The following PLXNA4 variants were observed in gnomAD, a reference collection of about 807,000 sequenced individuals.
PLXNA4 encodes the protein plexin A4.
A neutral mutation model predicts 191.8 loss-of-function variants in PLXNA4; 44 were observed. That is an observed-to-expected ratio of 0.23 (90% CI 0.18 to 0.29). The LOEUF (loss-of-function observed/expected upper bound fraction) is 0.29. Ranked by LOEUF, PLXNA4 falls within the 10% of genes least tolerant of loss-of-function variation. The probability of loss-of-function intolerance (pLI) is 1.00; values close to 1 mark genes in which losing one functional copy is unlikely to be tolerated. For missense variants in PLXNA4, 1,800 were observed against 2,488.8 expected (o/e 0.72, Z 5.89); for synonymous variants, 1,082 against 1,009.5 (o/e 1.07, Z -1.36).
At chr7:132,235,871 C>T (rs1401603077) in intron 5 of PLXNA4, among the ~76,000 whole-genome samples, 1 of 152,168 alleles carries the variant, frequency 6.6e-6, no homozygotes. Context: ...GCAGGGTGGG[C>T]TTGTACGCTT....
At chr7:132,271,594 T>A (rs956291857) in intron 4 of PLXNA4, among the ~76,000 whole-genome samples, 8 of 152,108 alleles carry the variant, frequency 5.3e-5, no homozygotes, top group African/African-American at 1.9e-4. Flanking sequence ...TTTAAAATGG[T>A]CAAATAATCC....
intron 3 of PLXNA4, among the ~76,000 whole-genome samples, chr7:132,448,538 G>A (rs73440707): frequency 0.031 from 4,784 of 152,280 alleles, 236 homozygotes; most frequent in African/African-American, 0.11. Flanking sequence ...TGAGGAGGAC[G>A]AGGTGGAGGC....
chr7:132,420,940 G>T (rs991093405), intron 3 of PLXNA4, among the ~76,000 whole-genome samples: 1 of 152,186 alleles, frequency 6.6e-6, no homozygotes, highest in African/African-American at 2.4e-5. Context: ...ATGTGGAACT[G>T]TAAGTCCAAT....
At chr7:132,378,062 A>C (rs1167863975) in intron 3 of PLXNA4, among the ~76,000 whole-genome samples, 1 of 151,766 alleles carries the variant, frequency 6.6e-6, no homozygotes, top group African/African-American at 2.4e-5. Context: ...TCCATCACCC[A>C]CCCCACCCAA....
Position 132,127,447 on chromosome 7 carries a change from G to C in PLXNA4, c.*3032C>G, listed in dbSNP as rs1794800610. 6.6e-6 allele frequency: 1 copy of C among 152,146 alleles called. No homozygotes were observed. The allele number at this position is 152,146 out of a possible 1,614,324, so 9.4% of individuals were successfully genotyped here. A position where few individuals can be genotyped will look rare whatever the true frequency, so the allele number is the denominator to read the frequency against. Reference sequence around the variant, plus strand: ...TTTGCTCTGCCAGTGGGGTAAGGAAGATCCCTGGGGGAGTTTGGAAAAAAG... The same window carrying C: ...TTTGCTCTGCCAGTGGGGTAAGGAACATCCCTGGGGGAGTTTGGAAAAAAG... On this transcript the variant is annotated 3_prime_UTR_variant, in exon 32 of 32. Coordinates refer to ENST00000321063, the MANE Select transcript of PLXNA4 (RefSeq NM_020911.2).
chr7:132,316,443 G>C (rs1214910434), intron 3 of PLXNA4, among the ~76,000 whole-genome samples: 1 of 152,222 alleles, frequency 6.6e-6, no homozygotes, highest in African/African-American at 2.4e-5. Context: ...TACGGATCAA[G>C]TCACTATGGG....
chr7:132,607,649 T>C lies in PLXNA4; in HGVS notation c.-87+38279A>G, dbSNP rs568659553. Among the ~76,000 whole-genome samples the C allele has an allele frequency of 2.6e-5, 4 of 152,364 alleles. No homozygotes were observed. The South Asian group carries it at 8.3e-4, about 32-fold the overall frequency. On this transcript the variant is annotated intron_variant, in intron 2 of 4. Transcript: ENST00000378539. ...TCTGAGCCTGTGCCTTTTTGCAGCCTAGAAGTGCCAATCAAATCACTTTCC... is the reference window on the plus strand; with the variant it reads ...TCTGAGCCTGTGCCTTTTTGCAGCCCAGAAGTGCCAATCAAATCACTTTCC...
intron 3 of PLXNA4, among the ~76,000 whole-genome samples, chr7:132,339,110 C>A (rs757964161): frequency 6.6e-5 from 10 of 152,200 alleles, no homozygotes; most frequent in Non-Finnish European, 1.3e-4. Context: ...TCTTCTGGCT[C>A]AAGTGATTAT....
At chr7:132,316,182 A>C (rs1801936800) in intron 3 of PLXNA4, among the ~76,000 whole-genome samples, 1 of 152,196 alleles carries the variant, frequency 6.6e-6, no homozygotes, top group Non-Finnish European at 1.5e-5. Flanking sequence ...ACTAAACTAA[A>C]AAATGCGACT....
chr7:132,484,770 G>A, intron 3 of PLXNA4: 1 of 1,610,550 alleles, frequency 6.2e-7, no homozygotes, highest in Non-Finnish European at 8.5e-7. Context: ...TCTGTGCTAT[G>A]AATATTTATT....
chr7:132,222,594 A>C (rs1320652923), intron 9 of PLXNA4, among the ~76,000 whole-genome samples: 1 of 152,108 alleles, frequency 6.6e-6, no homozygotes, highest in African/African-American at 2.4e-5. Context: ...TGAAAGATAC[A>C]CGCAAGACTA....
intron 28 of PLXNA4, among the ~76,000 whole-genome samples, chr7:132,145,896 C>T (rs1235682561): frequency 3.4e-5 from 5 of 146,182 alleles, no homozygotes; most frequent in Admixed American, 6.8e-5. Context: ...ATGGTGAAAC[C>T]CCACCTCTAC....
intron 3 of PLXNA4, among the ~76,000 whole-genome samples, chr7:132,405,583 G>C (rs1174684259): frequency 6.6e-6 from 1 of 152,150 alleles, no homozygotes; most frequent in Non-Finnish European, 1.5e-5. Context: ...CGGCTTAGCA[G>C]GCCTCCTCAA....
chr7:132,637,896 T>C (rs190983200), intron 2 of PLXNA4, among the ~76,000 whole-genome samples: 1 of 152,290 alleles, frequency 6.6e-6, no homozygotes, highest in African/African-American at 2.4e-5. Context: ...CTCAGTTTCT[T>C]TCTCCCCACT....
intron 1 of PLXNA4, among the ~76,000 whole-genome samples, chr7:132,552,885 C>CA (rs200720374): frequency 2.3e-4 from 34 of 148,122 alleles, no homozygotes; most frequent in African/African-American, 2.7e-4. Flanking sequence ...AAAAGAAACT[C>CA]AAAAAAAAAA....
intron 1 of PLXNA4, among the ~76,000 whole-genome samples, chr7:132,516,089 G>A (rs1202968746): frequency 6.6e-6 from 1 of 152,192 alleles, no homozygotes; most frequent in African/African-American, 2.4e-5. Flanking sequence ...TACAGCTGAA[G>A]TACAAAGTAA....
intron 4 of PLXNA4, among the ~76,000 whole-genome samples, chr7:132,245,787 A>G (rs1470284423): frequency 6.6e-6 from 1 of 152,240 alleles, no homozygotes; most frequent in Non-Finnish European, 1.5e-5. Context: ...ATGCTACAAC[A>G]TGGATGAACC....
intron 3 of PLXNA4, among the ~76,000 whole-genome samples, chr7:132,402,432 A>G (rs1794028721): frequency 6.6e-6 from 1 of 152,204 alleles, no homozygotes; most frequent in South Asian, 2.1e-4. Flanking sequence ...GAGCTTTAAG[A>G]TACTCAAGTC....
chr7:132,374,101 A>G (rs866770463), intron 3 of PLXNA4, among the ~76,000 whole-genome samples: 4 of 152,192 alleles, frequency 2.6e-5, no homozygotes, highest in Non-Finnish European at 5.9e-5. Flanking sequence ...CGAAGTGAAG[A>G]TGGCAGCTTG....
Sources: gnomAD v4.1 joint callset for allele counts (sites outside exome capture counted in the v4.1 genomes callset) on GRCh38, gnomAD v4.1.1 for gene constraint, MANE v1.5 for transcripts, NCBI Gene and HGNC (gene_info 2026-07-23, HGNC 2026-07-21) for gene names.